Variants in CNTN1 observed in about 807,000 individuals in gnomAD.
CNTN1 encodes the protein contactin 1, also known as contactin-1.
In CNTN1, 38 loss-of-function variants were observed where a neutral mutation model predicts 126.4. The observed-to-expected ratio is 0.30, with a 90% CI of 0.23 to 0.39. The LOEUF is 0.39. Among genes scored for constraint, CNTN1 ranks in the 10% least tolerant of loss-of-function variants. The pLI is 1.00. For synonymous variants in CNTN1, 413 were observed against 422.6 expected, an observed-to-expected ratio of 0.98 and a Z score of 0.28; for missense variants, 1,009 against 1,248.4, an observed-to-expected ratio of 0.81 and a Z score of 2.89.
chr12:41,058,775 G>A (rs1949880080), intron 23 of CNTN1, among the ~76,000 whole-genome samples: 2 of 152,108 alleles, frequency 1.3e-5, no homozygotes, highest in Non-Finnish European at 1.5e-5. Context: ...TATATCTTCA[G>A]GTTGAGAAAC....
At chr12:40,876,172 G>T (rs1943660872) in intron 1 of CNTN1, among the ~76,000 whole-genome samples, 1 of 150,688 alleles carries the variant, frequency 6.6e-6, no homozygotes. Flanking sequence ...ACAGTTTAAG[G>T]TTTTCTAATC....
At chr12:40,703,420 A>G (rs1941650891) in intron 1 of CNTN1, among the ~76,000 whole-genome samples, 1 of 152,220 alleles carries the variant, frequency 6.6e-6, no homozygotes, top group Admixed American at 6.5e-5. Context: ...CAATGGATAA[A>G]GATTTAAATC....
intron 1 of CNTN1, among the ~76,000 whole-genome samples, chr12:40,886,726 T>A (rs1944046819): frequency 6.6e-6 from 1 of 152,196 alleles, no homozygotes. Flanking sequence ...CTTTAATCCA[T>A]CTTGAATTAA....
intron 1 of CNTN1, among the ~76,000 whole-genome samples, chr12:40,869,411 G>T (rs187527592): frequency 9.5e-4 from 145 of 151,860 alleles, no homozygotes; most frequent in Non-Finnish European, 1.7e-3. Flanking sequence ...TTGGACTACA[G>T]GTGTATGCCA....
intron 15 of CNTN1, among the ~76,000 whole-genome samples, chr12:40,965,733 C>G (rs1947282270): frequency 5.9e-5 from 9 of 152,006 alleles, no homozygotes. Context: ...ACTCTTGGTG[C>G]TAAATCAGAT....
chr12:40,857,513 C>A (rs1942954891), intron 1 of CNTN1, among the ~76,000 whole-genome samples: 1 of 152,052 alleles, frequency 6.6e-6, no homozygotes, highest in South Asian at 2.1e-4. Context: ...ACCTTTAAAT[C>A]ATTCACAAGA....
At chr12:40,708,607 A>G (rs918471705) in intron 1 of CNTN1, among the ~76,000 whole-genome samples, 2 of 152,194 alleles carry the variant, frequency 1.3e-5, no homozygotes, top group Non-Finnish European at 2.9e-5. Flanking sequence ...GTAGCATGCA[A>G]TTCTGTTTTA....
intron 1 of CNTN1, among the ~76,000 whole-genome samples, chr12:40,707,442 C>T (rs976915352): frequency 1.4e-4 from 21 of 151,730 alleles, no homozygotes; most frequent in African/African-American, 4.6e-4. Context: ...TTAGTAGAGA[C>T]GGGGTTTCAC....
chr12:40,904,267 C>G (rs1944725031), intron 1 of CNTN1, among the ~76,000 whole-genome samples: 1 of 152,086 alleles, frequency 6.6e-6, no homozygotes, highest in Non-Finnish European at 1.5e-5. Flanking sequence ...ATCCGTCCAC[C>G]TTGGCCTCCC....
intron 23 of CNTN1, among the ~76,000 whole-genome samples, chr12:41,055,032 C>T (rs182436959): frequency 5.8e-4 from 89 of 152,238 alleles, no homozygotes; most frequent in Non-Finnish European, 7.4e-5. Flanking sequence ...AATAACTTCT[C>T]TGACATTTGC....
chr12:40,803,009 TTA>T (rs781041585), intron 1 of CNTN1, among the ~76,000 whole-genome samples: 8 of 151,982 alleles, frequency 5.3e-5, no homozygotes, highest in Non-Finnish European at 8.8e-5. Flanking sequence ...GAGAAATGCT[TTA>T]GAGTCTTGAT....
At position 40,822,148 on chromosome 12, in the gene CNTN1, C is replaced by CT. The variant is rs777953120; in HGVS notation, c.-76-86185dup. The stretch of plus-strand genomic sequence containing the variant: ...TTTCCAGTCTAGACAAAATATAAAT[C>CT]TTTTTTTTTTTTTTTTTTTTTTTTG... On this transcript the variant is annotated intron_variant, in intron 1 of 23. Coordinates refer to ENST00000551295, the MANE Select transcript of CNTN1 (RefSeq NM_001843.4). 9.1e-3 allele frequency among the ~76,000 whole-genome samples: 431 copies of CT among 47,186 alleles called. 19 individuals carry two copies. Among genetic ancestry groups the CT allele is most frequent in the Non-Finnish European group, 0.01 (239 of 23,412 alleles). 31.0% of individuals were successfully genotyped at this position (47,186 alleles called of 152,430 possible).
At chr12:40,803,024 C>T (rs1294145733) in intron 1 of CNTN1, among the ~76,000 whole-genome samples, 1 of 151,954 alleles carries the variant, frequency 6.6e-6, no homozygotes. Context: ...GTCTTGATCC[C>T]ACTTGTTTAA....
chr12:40,943,764 A>G, intron 13 of CNTN1, 40 bp downstream of exon 13: 1 of 1,606,098 alleles, frequency 6.2e-7, no homozygotes, highest in South Asian at 1.1e-5. Context: ...CTAATGTATT[A>G]AAAAACATGA....
At chr12:40,829,481 A>G (rs1388696394) in intron 1 of CNTN1, among the ~76,000 whole-genome samples, 1 of 148,652 alleles carries the variant, frequency 6.7e-6, no homozygotes, top group African/African-American at 2.6e-5. Context: ...ATGTTTTGGG[A>G]AAAAAAAGTA....
chr12:40,965,730 G>T (rs182425052), intron 15 of CNTN1, among the ~76,000 whole-genome samples: 1 of 152,212 alleles, frequency 6.6e-6, no homozygotes, highest in Non-Finnish European at 1.5e-5. Context: ...GTAACTCTTG[G>T]TGCTAAATCA....
chr12:40,723,145 G>A (rs1280952442), intron 1 of CNTN1, among the ~76,000 whole-genome samples: 1 of 152,116 alleles, frequency 6.6e-6, no homozygotes, highest in Admixed American at 6.6e-5. Flanking sequence ...GCACAGAGGA[G>A]GTAGGCCGAC....
At chr12:40,817,321 C>G (rs762168246) in intron 1 of CNTN1, among the ~76,000 whole-genome samples, 21 of 152,060 alleles carry the variant, frequency 1.4e-4, no homozygotes, top group Admixed American at 1.0e-3. Flanking sequence ...TTTTATGAAT[C>G]TTAGTGCTCC....
At position 40,943,717 on chromosome 12, in the gene CNTN1, T is replaced by C. The variant is rs1566002877; in HGVS notation, c.1500T>C (p.Val500=). The change falls in exon 13 of 24, where the codon GTT becomes GTC. Residue 500 remains valine, a synonymous_variant. Transcript: ENST00000551295. ...RGKANSTGTL[V]ITDPTRIILA... ...AAGCTAATAGCACTGGAACCCTTGTTATCACAGGTAAGTTAATGTTTGAGG... is the reference window on the plus strand; with the variant it reads ...AAGCTAATAGCACTGGAACCCTTGTCATCACAGGTAAGTTAATGTTTGAGG... 1 of 1,612,798 alleles carries C rather than the reference T, an allele frequency of 6.2e-7. No homozygotes were observed. The highest frequency in any genetic ancestry group is 8.5e-7 in the Non-Finnish European group (1 of 1,179,208).
Sources: gnomAD v4.1 joint callset for allele counts (sites outside exome capture counted in the v4.1 genomes callset) on GRCh38, gnomAD v4.1.1 for gene constraint, MANE v1.5 for transcripts, NCBI Gene and HGNC (gene_info 2026-07-23, HGNC 2026-07-21) for gene names.